The following DNAH9 variants were observed in gnomAD, a reference collection of about 807,000 sequenced individuals.
DNAH9 encodes the protein dynein axonemal heavy chain 9, also known as DNAH9 variant protein.
Under a neutral mutation model 471.6 loss-of-function variants are expected in DNAH9, and 345 were observed. The ratio of observed to expected loss-of-function variants is 0.73; its 90% CI spans 0.67 to 0.80. The LOEUF (loss-of-function observed/expected upper bound fraction) is 0.80, where lower values mean the gene tolerates loss of function less well. Ranked by LOEUF, DNAH9 falls within the 30% of genes least tolerant of loss-of-function variation. The probability of loss-of-function intolerance (pLI) is 0.00; values close to 1 mark genes in which losing one functional copy is unlikely to be tolerated. For synonymous variants in DNAH9, 2,093 were observed against 2,123.6 expected, an observed-to-expected ratio of 0.99 and a Z score of 0.40; for missense variants, 5,407 against 5,609.2, an observed-to-expected ratio of 0.96 and a Z score of 1.15.
chr17:11,705,205 A>C lies in DNAH9; in HGVS notation c.5552+20A>C. 1 of 1,611,988 alleles carries C rather than the reference A, an allele frequency of 6.2e-7. No homozygotes were observed. On this transcript the variant is annotated intron_variant, in intron 26 of 68. Transcript: ENST00000262442. ...TGACAGGTGAGCACTGGTGTCAACC[A>C]CTGACAGCCTTACTGCTGTCTGGTT...
At chr17:11,641,165 G>T (rs888417189) in intron 10 of DNAH9, among the ~76,000 whole-genome samples, 1 of 152,030 alleles carries the variant, frequency 6.6e-6, no homozygotes, top group African/African-American at 2.4e-5. Context: ...GAGACCCTCT[G>T]GTCTGGCCCA....
chr17:11,905,547 C>G (rs1229861458), intron 60 of DNAH9, 114 bp from the exon 61 acceptor site: 18 of 1,148,042 alleles, frequency 1.6e-5, no homozygotes, highest in Middle Eastern at 2.5e-4. Context: ...CTATAACTAC[C>G]TAGCCCATGA....
Position 11,698,252 on chromosome 17 carries a change from TA to T in DNAH9, c.4873-1477del, listed in dbSNP as rs1433572862. Among the ~76,000 whole-genome samples, 21 of 46,568 alleles carry T rather than the reference TA, an allele frequency of 4.5e-4. 1 individual carries two copies. Among genetic ancestry groups the T allele is most frequent in the Admixed American group, 3.2e-3 (9 of 2,822 alleles). 30.6% of individuals were successfully genotyped at this position (46,568 alleles called of 152,430 possible). ...AATAGCAATATATTATATAATATATTAATATATAATAATTATATAATATATT... is the reference window on the plus strand; with the variant it reads ...AATAGCAATATATTATATAATATATTATATATAATAATTATATAATATATT... On this transcript the variant is annotated intron_variant, in intron 22 of 68. Coordinates refer to ENST00000262442, the MANE Select transcript of DNAH9 (RefSeq NM_001372.4).
Position 11,754,529 on chromosome 17 carries a change from G to T in DNAH9, c.6738+1569G>T, listed in dbSNP as rs139477551. ...ATTTTAATAATAGCAATTCTGACTG[G>T]TGTGAGATGGAATCTCATTGTGGTT... On this transcript the variant is annotated intron_variant, in intron 33 of 68. Transcript: ENST00000262442. 7.1e-3 allele frequency among the ~76,000 whole-genome samples: 1,085 copies of T among 152,260 alleles called. 10 individuals carry two copies. Among genetic ancestry groups the T allele is most frequent in the African/African-American group, 0.024 (1,000 of 41,550 alleles).
chr17:11,968,044 T>G (rs912898452), intron 68 of DNAH9, among the ~76,000 whole-genome samples: 2 of 152,218 alleles, frequency 1.3e-5, no homozygotes, highest in Non-Finnish European at 2.9e-5. Context: ...TGTCAATACA[T>G]CCTGTTAATG....
intron 63 of DNAH9, among the ~76,000 whole-genome samples, chr17:11,931,127 A>G (rs1222738285): frequency 6.6e-6 from 1 of 152,178 alleles, no homozygotes; most frequent in Non-Finnish European, 1.5e-5. Context: ...CCTGGGCAGG[A>G]GAGTACCCAA....
intron 14 of DNAH9, among the ~76,000 whole-genome samples, chr17:11,663,116 T>C (rs969978967): frequency 4.6e-5 from 7 of 152,200 alleles, no homozygotes; most frequent in East Asian, 1.9e-4. Context: ...CTCTAACTTA[T>C]GGTGTTTCCA....
At chr17:11,947,368 A>G (rs2151437395) in intron 67 of DNAH9, among the ~76,000 whole-genome samples, 1 of 152,324 alleles carries the variant, frequency 6.6e-6, no homozygotes, top group Non-Finnish European at 1.5e-5. Flanking sequence ...TTATCTCCCT[A>G]TGTAGGAAAA....
intron 62 of DNAH9, among the ~76,000 whole-genome samples, chr17:11,929,632 T>G (rs917615530): frequency 2.6e-5 from 4 of 152,208 alleles, no homozygotes; most frequent in African/African-American, 9.7e-5. Context: ...TTTAAGACAC[T>G]TCTGCCATTA....
intron 36 of DNAH9, among the ~76,000 whole-genome samples, chr17:11,766,334 C>T (rs1203705436): frequency 1.3e-5 from 2 of 151,194 alleles, no homozygotes; most frequent in African/African-American, 2.4e-5. Flanking sequence ...TGGCTGAATA[C>T]CTTGCAGCCC....
intron 54 of DNAH9, among the ~76,000 whole-genome samples, chr17:11,880,486 G>A (rs1486188394): frequency 2.6e-5 from 4 of 152,076 alleles, no homozygotes; most frequent in Admixed American, 6.6e-5. Flanking sequence ...GAAGGAAATC[G>A]GTCAAAAAGC....
intron 1 of DNAH9, among the ~76,000 whole-genome samples, chr17:11,605,966 C>T (rs1371413965): frequency 6.6e-6 from 1 of 151,968 alleles, no homozygotes; most frequent in Non-Finnish European, 1.5e-5. Flanking sequence ...CTGGAGAGAA[C>T]TCTGACTATA....
At chr17:11,720,349 T>G (rs575154712) in intron 27 of DNAH9, among the ~76,000 whole-genome samples, 5 of 152,184 alleles carry the variant, frequency 3.3e-5, no homozygotes, top group Non-Finnish European at 5.9e-5. Flanking sequence ...GCTGCACCCA[T>G]TAACTCATCA....
At position 11,885,272 on chromosome 17, in the gene DNAH9, A is replaced by G. The variant is rs186565534; in HGVS notation, c.10971+1522A>G. Among the ~76,000 whole-genome samples, 14 of 152,292 alleles carry G rather than the reference A, an allele frequency of 9.2e-5. No homozygotes were observed. The East Asian group carries it at 2.7e-3, about 30-fold the overall frequency. ...CACAAAGGAGGAACACTCAACCCAC[A>G]TTGGGTGAGAGGGAGGAGGTGCTTC... On this transcript the variant is annotated intron_variant, in intron 56 of 68. Transcript: ENST00000262442.
At chr17:11,959,998 G>A (rs1160334012) in intron 67 of DNAH9, among the ~76,000 whole-genome samples, 1 of 152,134 alleles carries the variant, frequency 6.6e-6, no homozygotes, top group Non-Finnish European at 1.5e-5. Flanking sequence ...AGTCTAGAAA[G>A]TGAATTCGTA....
intron 59 of DNAH9, 101 bp downstream of exon 59, chr17:11,894,597 A>G (rs1441962484): frequency 7.4e-6 from 11 of 1,483,746 alleles, no homozygotes; most frequent in South Asian, 2.4e-5. Context: ...TTGGAGTTCA[A>G]GCATGGAGCT....
intron 11 of DNAH9, 37 bp from the exon 12 acceptor site, chr17:11,647,035 G>T (rs773642258): frequency 6.2e-6 from 10 of 1,608,916 alleles, no homozygotes; most frequent in Non-Finnish European, 1.7e-6. Context: ...AGCTGGGAGG[G>T]GGCTTATGAG....
chr17:11,649,716 C>A (rs1567690270), intron 12 of DNAH9, among the ~76,000 whole-genome samples: 1 of 152,078 alleles, frequency 6.6e-6, no homozygotes, highest in Non-Finnish European at 1.5e-5. Flanking sequence ...AAGAAAAAAA[C>A]TCAATGTTGT....
chr17:11,670,747 A>G (rs2073959890), intron 17 of DNAH9, among the ~76,000 whole-genome samples: 1 of 148,322 alleles, frequency 6.7e-6, no homozygotes, highest in African/African-American at 2.5e-5. Flanking sequence ...CTTTTTGCCT[A>G]GGCTGGAGTG....
Sources: allele counts gnomAD v4.1 joint callset (sites outside exome capture counted in the v4.1 genomes callset), GRCh38; gene constraint gnomAD v4.1.1; transcripts MANE v1.5; gene names NCBI Gene and HGNC (gene_info 2026-07-23, HGNC 2026-07-21).